The following GOSR1 variants were observed in gnomAD, a reference collection of about 807,000 sequenced individuals.
The protein encoded by GOSR1 is 28 kDa Golgi SNARE protein.
Under a neutral mutation model 35.5 loss-of-function variants are expected in GOSR1, and 21 were observed. The observed-to-expected ratio is 0.59, with a 90% CI of 0.42 to 0.85. The LOEUF (loss-of-function observed/expected upper bound fraction) is 0.85. Among genes scored for constraint, GOSR1 ranks in the 40% least tolerant of loss-of-function variants. GOSR1 has a pLI of 0.00. For synonymous variants in GOSR1, 94 were observed against 106.6 expected, an observed-to-expected ratio of 0.88 and a Z score of 0.73; for missense variants, 285 against 309.6, an observed-to-expected ratio of 0.92 and a Z score of 0.60.
At chr17:30,491,657 T>C (rs1226629698) in intron 5 of GOSR1, among the ~76,000 whole-genome samples, 1 of 144,578 alleles carries the variant, frequency 6.9e-6, no homozygotes. Flanking sequence ...AGACTCTGTC[T>C]AAAAAAAAAA....
intron 6 of GOSR1, among the ~76,000 whole-genome samples, chr17:30,507,107 T>G (rs1384936319): frequency 1.3e-5 from 2 of 152,142 alleles, no homozygotes; most frequent in African/African-American, 2.4e-5. Context: ...CAGCATTCAT[T>G]CTGAAGCCTG....
At chr17:30,477,488 T>C (rs755730198) in intron 1 of GOSR1, 24 bp downstream of exon 1, 1 of 1,604,776 alleles carries the variant, frequency 6.2e-7, no homozygotes. Context: ...GGCCTCCGGG[T>C]GCGTCCTACG....
intron 6 of GOSR1, among the ~76,000 whole-genome samples, chr17:30,508,071 A>G (rs894391397): frequency 2.0e-5 from 3 of 152,222 alleles, no homozygotes; most frequent in African/African-American, 7.2e-5. Context: ...CTAAGTGAAG[A>G]GAATTTTAGA....
chr17:30,480,366 A>T (rs8066820), intron 1 of GOSR1, among the ~76,000 whole-genome samples: 1,904 of 152,294 alleles, frequency 0.013, 35 homozygotes, highest in African/African-American at 0.044. Flanking sequence ...AGAAGTTCAT[A>T]AGCCTAATAA....
intron 6 of GOSR1, among the ~76,000 whole-genome samples, chr17:30,503,181 C>G (rs1163068448): frequency 6.6e-6 from 1 of 152,172 alleles, no homozygotes. Context: ...CAAGTTCTTA[C>G]ATTTTGTTGG....
rs1434625613 is a variant in GOSR1, at chr17:30,526,563, G to A, written c.*4185G>A. 6.6e-6 allele frequency: 1 copy of A among 152,614 alleles called. No individual in the cohort carries two copies. Among genetic ancestry groups the A allele is most frequent in the Non-Finnish European group, 1.5e-5 (1 of 68,020 alleles). The allele number at this position is 152,614 out of a possible 1,614,324, so 9.5% of individuals were successfully genotyped here. On this transcript the variant is annotated 3_prime_UTR_variant, in exon 9 of 9. Coordinates refer to ENST00000451249, the MANE Select transcript of GOSR1 (RefSeq NM_001007025.2). ...ATTCCCACCCTGTTAGCTCTTAAGG[G>A]AGGAGGGAAATCAATTCCAACCATA...
chr17:30,499,342 C>CTTT lies in GOSR1; in HGVS notation c.509+6604_509+6606dup, dbSNP rs3039523. Among the ~76,000 whole-genome samples, 541 of 133,692 alleles carry CTTT rather than the reference C, an allele frequency of 4.0e-3. 13 individuals are homozygous for CTTT. The highest frequency in any genetic ancestry group is 0.028 in the East Asian group (130 of 4,584). 87.7% of individuals were successfully genotyped at this position (133,692 alleles called of 152,430 possible). A position where few individuals can be genotyped will look rare whatever the true frequency, so the allele number is the denominator to read the frequency against. On this transcript the variant is annotated intron_variant, in intron 6 of 8. Transcript: ENST00000451249. The stretch of plus-strand genomic sequence containing the variant: ...TGTGTGGTCACATGTTCTCATTCCT[C>CTTT]TTTTTTTTTTTTTTTTTGAGACGGA...
At chr17:30,502,381 T>TCAGTACTGGGTGATCA (rs1967242594) in intron 6 of GOSR1, among the ~76,000 whole-genome samples, 1 of 152,204 alleles carries the variant, frequency 6.6e-6, no homozygotes, top group Non-Finnish European at 1.5e-5. Flanking sequence ...TTGTAACACA[T>TCAGTACTGGGTGATCA]GTGGCACACT....
rs765847657 is a variant in GOSR1, at chr17:30,484,221, A to G, written c.154A>G (p.Thr52Ala). 37 of 1,587,566 alleles carry G rather than the reference A, an allele frequency of 2.3e-5. No homozygotes were observed. The highest frequency in any genetic ancestry group is 3.0e-5 in the Non-Finnish European group (35 of 1,155,872). ...TRDGRRDSSD[T>A]TPLLNGSSQD... ...AACTGAACTTCTTTTTAGTTCTGAT[A>G]CAACACCCCTTTTAAATGGATCAAG... The change falls in exon 3 of 9, where the codon ACA becomes GCA. Residue 52 changes from threonine to alanine, a missense_variant. Thr to Ala is a moderately conservative substitution (Grantham distance 58). This residue lies in a region of GOSR1 where 108 missense variants were observed against 98.9 expected (regional missense o/e 1.09). Transcript: ENST00000451249.
At chr17:30,503,641 A>G (rs1567909242) in intron 6 of GOSR1, among the ~76,000 whole-genome samples, 1 of 152,248 alleles carries the variant, frequency 6.6e-6, no homozygotes, top group Non-Finnish European at 1.5e-5. Context: ...TCTTAGCCAA[A>G]TGAGTAAAGA....
In GOSR1 at chr17:30,522,312, C is replaced by T; in HGVS notation, c.681C>T (p.Asp227=). Residue 227 remains aspartate (D), a synonymous_variant, in exon 9 of 9, where the codon GAC becomes GAT. Coordinates refer to ENST00000451249, the MANE Select transcript of GOSR1 (RefSeq NM_001007025.2). The part of the protein sequence containing the change: ...IQRINLRKRR[D]SLILGGVIGI... The stretch of plus-strand genomic sequence containing the variant: ...GGATCAACCTGAGGAAGCGGCGGGA[C>T]TCGCTCATCCTAGGGGGTGTTATTG... The T allele has an allele frequency of 2.5e-6, 4 of 1,609,728 alleles. No homozygotes were observed. The highest frequency in any genetic ancestry group is 3.4e-6 in the Non-Finnish European group (4 of 1,177,270).
In GOSR1 at chr17:30,522,914, T is replaced by TG. The variant is rs1353246710; in HGVS notation, c.*537dup. The TG allele has an allele frequency of 5.6e-6, 1 of 177,958 alleles. No homozygotes were observed. The highest frequency in any genetic ancestry group is 2.4e-5 in the African/African-American group (1 of 41,692). The allele number at this position is 177,958 out of a possible 1,614,324, so 11.0% of individuals were successfully genotyped here. On this transcript the variant is annotated 3_prime_UTR_variant, in exon 9 of 9. Transcript: ENST00000451249. ...CCATCTCGGCTCACTGCAACCTCCC[T>TG]GCCTGATTCTCCTGCCTCAGCCTGC...
chr17:30,515,969 G>C (rs1967792770), intron 7 of GOSR1, among the ~76,000 whole-genome samples: 2 of 152,304 alleles, frequency 1.3e-5, no homozygotes, highest in South Asian at 4.1e-4. Flanking sequence ...TAAATTTGCA[G>C]ATATTGCCTG....
intron 6 of GOSR1, among the ~76,000 whole-genome samples, chr17:30,504,055 CGTGCTCTGTCGCCCAGGCTGGA>C (rs1252044624): frequency 1.5e-4 from 22 of 143,246 alleles, no homozygotes; most frequent in African/African-American, 5.5e-4. Flanking sequence ...GAGTCAGGGT[CGTGCTCTGTCGCCCAGGCTGGA>C]GTGCAATGGC....
chr17:30,516,265 T>A (rs974161633), intron 7 of GOSR1, among the ~76,000 whole-genome samples: 11 of 151,982 alleles, frequency 7.2e-5, no homozygotes, highest in African/African-American at 2.7e-4. Context: ...GGGCAGGAGT[T>A]CGAGACCATC....
At chr17:30,482,020 C>G (rs1485530588) in intron 2 of GOSR1, among the ~76,000 whole-genome samples, 1 of 151,736 alleles carries the variant, frequency 6.6e-6, no homozygotes, top group African/African-American at 2.4e-5. Context: ...AAGACAGTTA[C>G]AAAGAATAAT....
chr17:30,478,025 G>C, intron 1 of GOSR1: 2 of 667,470 alleles, frequency 3.0e-6, no homozygotes, highest in South Asian at 1.3e-4. Context: ...GTGTTTGAAG[G>C]AGGAGAAAAT....
chr17:30,521,245 G>A (rs987825693), intron 8 of GOSR1, among the ~76,000 whole-genome samples: 8 of 131,666 alleles, frequency 6.1e-5, no homozygotes, highest in Non-Finnish European at 1.1e-4. Flanking sequence ...ACAGTGGCAC[G>A]ATCTCAGCTC....
At chr17:30,509,004 T>G (rs1240635725) in intron 6 of GOSR1, among the ~76,000 whole-genome samples, 1 of 151,874 alleles carries the variant, frequency 6.6e-6, no homozygotes, top group Non-Finnish European at 1.5e-5. Flanking sequence ...TGAGACGGAG[T>G]CTAGCTTGTC....
Sources: gnomAD v4.1 joint callset for allele counts (sites outside exome capture counted in the v4.1 genomes callset) on GRCh38, gnomAD v4.1.1 for gene constraint, gnomAD v4.1.1 regional missense constraint, MANE v1.5 for transcripts, NCBI Gene and HGNC (gene_info 2026-07-23, HGNC 2026-07-21) for gene names.